RNF215: variants seen among roughly 807,000 people sequenced by gnomAD.
RNF215 encodes ring finger protein 215.
In RNF215, 41 loss-of-function variants were observed where a neutral mutation model predicts 44.8. The ratio of observed to expected loss-of-function variants is 0.92; its 90% CI spans 0.71 to 1.19. The LOEUF is 1.19. Ranked by LOEUF, RNF215 falls within the 50% of genes most tolerant of loss-of-function variation. The pLI, the probability that RNF215 is intolerant of heterozygous loss-of-function variation, is 0.00. For synonymous variants in RNF215, 218 were observed against 230.1 expected (o/e 0.95, Z 0.48); for missense variants, 452 against 496.2 (o/e 0.91, Z 0.85).
Position 30,378,882 on chromosome 22 carries a change from A to ATT in RNF215, c.*717_*718insAA, listed in dbSNP as rs1569197836. The ATT allele has an allele frequency of 3.2e-4, 47 of 146,808 alleles. No individual in the cohort carries two copies. Among genetic ancestry groups the ATT allele is most frequent in the Admixed American group, 8.8e-4 (13 of 14,740 alleles). 9.1% of individuals were successfully genotyped at this position (146,808 alleles called of 1,614,324 possible). A position where few individuals can be genotyped will look rare whatever the true frequency, so the allele number is the denominator to read the frequency against. On this transcript the variant is annotated 3_prime_UTR_variant, in exon 9 of 9. Transcript: ENST00000382363. The stretch of plus-strand genomic sequence containing the variant: ...AACCTTCCCTACTCCAACTCTTTAA[A>ATT]AAAAAAAAAAAAAAAAAAAAAGGAT...
Position 30,380,718 on chromosome 22 carries a change from C to CCAACCCAGCACCCAG in RNF215, c.745-332_745-318dup, listed in dbSNP as rs1569198559. On this transcript the variant is annotated intron_variant, in intron 5 of 8. Coordinates refer to ENST00000382363, the MANE Select transcript of RNF215 (RefSeq NM_001017981.2). The surrounding 1 kb of genome is among the most constrained non-coding windows in gnomAD (Gnocchi z 5.3). ...TCTATCTGGTAGCCTCAGAGACTCC[C>CCAACCCAGCACCCAG]CAACCCAGCACCCAGCAACCCAGCA... 3.9e-5 allele frequency among the ~76,000 whole-genome samples: 6 copies of CCAACCCAGCACCCAG among 152,224 alleles called. No homozygotes were observed. In the South Asian group the frequency reaches 1.0e-3, roughly 26 times the overall value.
chr22:30,387,261 G>T lies in RNF215; in HGVS notation c.53C>A (p.Pro18Gln). The stretch of plus-strand genomic sequence containing the variant: ...CAGCAGCAGCAGCGGAGACGGAGGC[G>T]GCGGCGGAGGCGGCGGCGGCGATCT... ...ALRSPPPPPP[P>Q]PPSPLLLLLP... The change falls in exon 1 of 9, where the codon CCG becomes CAG. Residue 18 changes from proline to glutamine, a missense_variant. Coordinates refer to ENST00000382363, the MANE Select transcript of RNF215 (RefSeq NM_001017981.2). 1 of 1,032,500 alleles carries T rather than the reference G, an allele frequency of 9.7e-7. No homozygotes were observed. The highest frequency in any genetic ancestry group is 1.2e-6 in the Non-Finnish European group (1 of 855,820). The allele number at this position is 1,032,500 out of a possible 1,614,324, so 64.0% of individuals were successfully genotyped here.
chr22:30,384,821 T>C (rs1933574023), intron 4 of RNF215: 1 of 203,576 alleles, frequency 4.9e-6, no homozygotes, highest in Admixed American at 5.5e-5. Context: ...CTTTCTTTTT[T>C]TTTTTTTTGA....
chr22:30,386,188 C>A (rs774472856), intron 2 of RNF215, 47 bp from the exon 3 acceptor site: 43 of 1,510,180 alleles, frequency 2.8e-5, no homozygotes, highest in Non-Finnish European at 3.9e-5. Context: ...CCTGCCTGCA[C>A]ACCTGTCTCA....
chr22:30,387,022 C>A lies in RNF215; in HGVS notation c.285+7G>T. On this transcript the variant is annotated splice_region_variant and intron_variant, in intron 1 of 8. Coordinates refer to ENST00000382363, the MANE Select transcript of RNF215 (RefSeq NM_001017981.2). Reference sequence around the variant, plus strand: ...GTGATGCGGCCAGATGGCTCAGCAGCGCTCACCAGCAGCAGACGACCGCCC... The same window carrying A: ...GTGATGCGGCCAGATGGCTCAGCAGAGCTCACCAGCAGCAGACGACCGCCC... 1.9e-6 allele frequency: 3 copies of A among 1,541,676 alleles called. No individual in the cohort carries two copies. Among genetic ancestry groups the A allele is most frequent in the Non-Finnish European group, 2.6e-6 (3 of 1,149,066 alleles).
In RNF215 at chr22:30,387,262, G is replaced by A. The variant is rs1259351350; in HGVS notation, c.52C>T (p.Pro18Ser). 2.7e-5 allele frequency: 28 copies of A among 1,035,862 alleles called. No individual in the cohort carries two copies. The highest frequency in any genetic ancestry group is 3.1e-5 in the Non-Finnish European group (27 of 858,788). 64.2% of individuals were successfully genotyped at this position (1,035,862 alleles called of 1,614,324 possible). ...ALRSPPPPPP[P>S]PPSPLLLLLP... ...AGCAGCAGCAGCGGAGACGGAGGCG[G>A]CGGCGGAGGCGGCGGCGGCGATCTC... is the stretch of plus-strand genomic sequence containing the variant. The change falls in exon 1 of 9, where the codon CCG becomes TCG. Residue 18 changes from proline to serine, a missense_variant. Coordinates refer to ENST00000382363, the MANE Select transcript of RNF215 (RefSeq NM_001017981.2).
At chr22:30,379,989 T>C in intron 7 of RNF215, 73 bp downstream of exon 7, 1 of 1,595,360 alleles carries the variant, frequency 6.3e-7, no homozygotes, top group Non-Finnish European at 8.6e-7. Flanking sequence ...GTGGTGGTGG[T>C]TCCAAGGTCC....
At chr22:30,386,532 G>C in intron 2 of RNF215, 84 bp downstream of exon 2, 1 of 1,500,328 alleles carries the variant, frequency 6.7e-7, no homozygotes, top group Non-Finnish European at 9.0e-7. Flanking sequence ...AAGCTCTTAA[G>C]GGCCCATCTA....
intron 7 of RNF215, 52 bp from the exon 8 acceptor site, chr22:30,379,865 G>T (rs1439758511): frequency 1.3e-6 from 2 of 1,537,384 alleles, no homozygotes; most frequent in African/African-American, 1.4e-5. Flanking sequence ...GACTCCACGT[G>T]GGGGTGCCTG....
chr22:30,378,852 T>C lies in RNF215; in HGVS notation c.*748A>G, dbSNP rs1933474688. The C allele has an allele frequency of 7.0e-6, 1 of 142,646 alleles. No homozygotes were observed. Among genetic ancestry groups the C allele is most frequent in the Non-Finnish European group, 1.5e-5 (1 of 66,624 alleles). 8.8% of individuals were successfully genotyped at this position (142,646 alleles called of 1,614,324 possible). On this transcript the variant is annotated 3_prime_UTR_variant, in exon 9 of 9. Transcript: ENST00000382363. Reference sequence around the variant, plus strand: ...TAAAATATAGCCACGTTTATTTTACTATTAAACCTTCCCTACTCCAACTCT... The same window carrying C: ...TAAAATATAGCCACGTTTATTTTACCATTAAACCTTCCCTACTCCAACTCT...
At chr22:30,379,976 CTGG>C in intron 7 of RNF215, 83 bp downstream of exon 7, 5 of 1,585,296 alleles carry the variant, frequency 3.2e-6, no homozygotes, top group Non-Finnish European at 4.3e-6. Flanking sequence ...GGAGAAGGGC[CTGG>C]TGGTGGTGGT....
intron 5 of RNF215, among the ~76,000 whole-genome samples, chr22:30,382,986 C>G (rs1386453087): frequency 6.6e-6 from 1 of 152,156 alleles, no homozygotes. Context: ...CCTGTAGTCC[C>G]AGCTACTTGG....
rs753082913 is a variant in RNF215 at position 30,386,636 on chromosome 22, G to C, written c.409C>G (p.Pro137Ala). Residue 137 changes from proline (P) to alanine (A), a missense_variant, in exon 2 of 9, where the codon CCC becomes GCC. Transcript: ENST00000382363. ...TGCACCTGCTGGACCAGGGCCTTGG[G>C]ATAGGCCTGCGGGCCACTGCCCTTA... ...ENKGSGPQAYPKALVQQMRRA... is the reference protein window; with the variant it reads ...ENKGSGPQAYAKALVQQMRRA... The C allele has an allele frequency of 6.2e-7, 1 of 1,613,170 alleles. No individual in the cohort carries two copies. The highest frequency in any genetic ancestry group is 1.7e-5 in the Admixed American group (1 of 60,016).
Position 30,386,766 on chromosome 22 carries a change from G to A in RNF215, c.286-7C>T, listed in dbSNP as rs762299823. On this transcript the variant is annotated splice_region_variant and splice_polypyrimidine_tract_variant and intron_variant, in intron 1 of 8. Transcript: ENST00000382363. The stretch of plus-strand genomic sequence containing the variant: ...CGGCATCCACGATGTCCATCTGTGT[G>A]GCAAGGGGCCATGAGCAGAGGGAGG... 3.7e-6 allele frequency: 6 copies of A among 1,601,808 alleles called. No homozygotes were observed. The highest frequency in any genetic ancestry group is 4.2e-6 in the Non-Finnish European group (5 of 1,179,236).
Position 30,387,057 on chromosome 22 carries a change from G to A in RNF215, c.257C>T (p.Ala86Val), listed in dbSNP as rs768033401. ...GVRIGSEADP[A>V]PLLGGRLLLM... ...CAGCAGACGACCGCCCAGCAGGGGCGCCGGGTCGGCTTCGGAGCCGATCCT... is the reference window on the plus strand; with the variant it reads ...CAGCAGACGACCGCCCAGCAGGGGCACCGGGTCGGCTTCGGAGCCGATCCT... The change falls in exon 1 of 9, where the codon GCG becomes GTG. Residue 86 changes from alanine (A) to valine (V), a missense_variant. Transcript: ENST00000382363. 1 of 1,543,312 alleles carries A rather than the reference G, an allele frequency of 6.5e-7. No individual in the cohort carries two copies. The highest frequency in any genetic ancestry group is 2.4e-5 in the East Asian group (1 of 41,130).
intron 5 of RNF215, among the ~76,000 whole-genome samples, chr22:30,384,005 A>G (rs1933561727): frequency 6.6e-6 from 1 of 152,208 alleles, no homozygotes; most frequent in Admixed American, 6.5e-5. Context: ...AGCATAGGAA[A>G]AAGGACTAGA....
intron 4 of RNF215, 22 bp downstream of exon 4, chr22:30,385,882 T>C (rs766173605): frequency 5.6e-6 from 9 of 1,610,958 alleles, no homozygotes; most frequent in Middle Eastern, 3.3e-4. Flanking sequence ...GTCAGTCCTT[T>C]GAAGTCTAAA....
At position 30,380,084 on chromosome 22, in the gene RNF215, A is replaced by C. The variant is rs1373108591; in HGVS notation, c.986T>G (p.Leu329Arg). 1 of 1,613,824 alleles carries C rather than the reference A, an allele frequency of 6.2e-7. No individual in the cohort carries two copies. The highest frequency in any genetic ancestry group is 1.3e-5 in the African/African-American group (1 of 74,964). ...DPGAETCAVC[L>R]DYFCNKQWLR... Reference sequence around the variant, plus strand: ...AGCCTGTTTGTTGCAGAAGTAGTCCAGGCACACCGCACAGGTCTCAGCACC... The same window carrying C: ...AGCCTGTTTGTTGCAGAAGTAGTCCCGGCACACCGCACAGGTCTCAGCACC... Residue 329 changes from leucine to arginine, a missense_variant, in exon 7 of 9, where the codon CTG (leucine) becomes CGG (arginine). Leu to Arg is a moderately radical substitution (Grantham distance 102, BLOSUM62 -2). Transcript: ENST00000382363. The surrounding 1 kb of genome is among the most constrained non-coding windows in gnomAD (Gnocchi z 5.3).
At chr22:30,381,006 C>T (rs1205541623) in intron 5 of RNF215, among the ~76,000 whole-genome samples, 1 of 152,220 alleles carries the variant, frequency 6.6e-6, no homozygotes, top group Non-Finnish European at 1.5e-5. Flanking sequence ...CCTGCCTGAG[C>T]TCCTTCCCTG....
Sources: gnomAD v4.1 joint callset for allele counts (sites outside exome capture counted in the v4.1 genomes callset) on GRCh38, gnomAD v4.1.1 for gene constraint, Gnocchi (gnomAD v3.1) non-coding constraint, MANE v1.5 for transcripts, NCBI Gene and HGNC (gene_info 2026-07-23, HGNC 2026-07-21) for gene names.